The following SGCE variants were observed in gnomAD, a reference collection of about 807,000 sequenced individuals.
The protein encoded by SGCE is sarcoglycan epsilon, also known as epsilon-sarcoglycan.
Under a neutral mutation model 57.8 loss-of-function variants are expected in SGCE, and 26 were observed. The observed-to-expected ratio is 0.45, with a 90% CI of 0.33 to 0.62. SGCE has a LOEUF of 0.62. Ranked by LOEUF, SGCE falls within the 20% of genes least tolerant of loss-of-function variation. SGCE has a pLI of 0.02. For synonymous variants in SGCE, 183 were observed against 189.5 expected, an observed-to-expected ratio of 0.97 and a Z score of 0.28; for missense variants, 468 against 548.6, an observed-to-expected ratio of 0.85 and a Z score of 1.47.
chr7:94,650,510 A>T (rs1351738876), intron 1 of SGCE, among the ~76,000 whole-genome samples: 1 of 152,178 alleles, frequency 6.6e-6, no homozygotes, highest in Non-Finnish European at 1.5e-5. Flanking sequence ...GAGAGATAGG[A>T]GGGTGTGTGT....
At chr7:94,622,660 A>G (rs1802993955) in intron 4 of SGCE, 1 of 151,994 alleles carries the variant, frequency 6.6e-6, no homozygotes. Flanking sequence ...TTAACTACAA[A>G]GTATTTGGTG....
intron 5 of SGCE, among the ~76,000 whole-genome samples, chr7:94,613,780 G>C: frequency 6.6e-6 from 1 of 152,080 alleles, no homozygotes; most frequent in Non-Finnish European, 1.5e-5. Context: ...GAAGATAAAA[G>C]ACAGTTTAGA....
At chr7:94,615,099 G>T (rs189695988) in intron 5 of SGCE, among the ~76,000 whole-genome samples, 1 of 152,308 alleles carries the variant, frequency 6.6e-6, no homozygotes, top group African/African-American at 2.4e-5. Flanking sequence ...AGTAGCTCAC[G>T]CCTGTAAGCC....
At position 94,585,519 on chromosome 7, in the gene SGCE, C is replaced by T. The variant is rs1468351064; in HGVS notation, c.1298-4G>A. ...TTTCTTCAGGGATACCATTTACCTG[C>T]AATGTGTAAGAATGAATATGGGCAG... On this transcript the variant is annotated splice_polypyrimidine_tract_variant and splice_region_variant and intron_variant, in intron 10 of 10. Coordinates refer to ENST00000648936, the MANE Select transcript of SGCE (RefSeq NM_003919.3). 1.9e-6 allele frequency: 3 copies of T among 1,602,130 alleles called. No individual in the cohort carries two copies. The highest frequency in any genetic ancestry group is 2.6e-6 in the Non-Finnish European group (3 of 1,169,410).
At chr7:94,592,494 C>T (rs1045071247) in intron 9 of SGCE, among the ~76,000 whole-genome samples, 1 of 152,104 alleles carries the variant, frequency 6.6e-6, no homozygotes, top group African/African-American at 2.4e-5. Context: ...GTGTAAACTG[C>T]ATTATGTAGA....
intron 1 of SGCE, among the ~76,000 whole-genome samples, chr7:94,637,858 G>A (rs1188639971): frequency 6.6e-6 from 1 of 152,184 alleles, no homozygotes; most frequent in East Asian, 1.9e-4. Context: ...CCTCGGTGAG[G>A]CACAAGGAAC....
At chr7:94,586,083 A>AG (rs1455486419) in intron 10 of SGCE, among the ~76,000 whole-genome samples, 1 of 150,796 alleles carries the variant, frequency 6.6e-6, no homozygotes, top group East Asian at 1.9e-4. Flanking sequence ...AAAAAAAAAA[A>AG]AAAACAACAA....
intron 1 of SGCE, among the ~76,000 whole-genome samples, chr7:94,645,277 A>G (rs2117067912): frequency 6.6e-6 from 1 of 152,266 alleles, no homozygotes; most frequent in Non-Finnish European, 1.5e-5. Context: ...ATTTTTATTT[A>G]TATATATTTT....
At chr7:94,643,375 A>G (rs538870558) in intron 1 of SGCE, among the ~76,000 whole-genome samples, 165 of 152,332 alleles carry the variant, frequency 1.1e-3, no homozygotes, top group Non-Finnish European at 1.9e-3. Context: ...AGCAAATTGA[A>G]TTGGTGTCTC....
At chr7:94,630,011 G>T in intron 1 of SGCE, 170 bp from the exon 2 acceptor site, 1 of 700,332 alleles carries the variant, frequency 1.4e-6, no homozygotes. Flanking sequence ...AAATGGAAGT[G>T]ATTTCAGGAC....
intron 1 of SGCE, among the ~76,000 whole-genome samples, chr7:94,644,210 T>C (rs1382845244): frequency 6.6e-6 from 1 of 152,256 alleles, no homozygotes; most frequent in Non-Finnish European, 1.5e-5. Flanking sequence ...ATCTTTTCAA[T>C]GTTCCCCCTT....
intron 9 of SGCE, chr7:94,597,230 T>A (rs903047578): frequency 4.6e-5 from 7 of 152,134 alleles, no homozygotes; most frequent in African/African-American, 1.7e-4. Flanking sequence ...ACCCATTTCT[T>A]AAATTACCCA....
intron 1 of SGCE, among the ~76,000 whole-genome samples, chr7:94,653,305 A>T (rs1428987221): frequency 6.6e-6 from 1 of 152,144 alleles, no homozygotes; most frequent in Non-Finnish European, 1.5e-5. Flanking sequence ...ATAGGTGTTA[A>T]ATCAACAGCT....
chr7:94,586,949 G>T, intron 10 of SGCE: 1 of 974,768 alleles, frequency 1.0e-6, no homozygotes, highest in South Asian at 4.7e-5. Context: ...ACAACCAAGA[G>T]GAGATACTGT....
chr7:94,636,853 C>G (rs1005765625), intron 1 of SGCE, among the ~76,000 whole-genome samples: 7 of 152,122 alleles, frequency 4.6e-5, no homozygotes, highest in African/African-American at 1.7e-4. Flanking sequence ...CACCTGAGGT[C>G]AGGAGTTCAA....
chr7:94,651,734 A>C (rs776592841), intron 1 of SGCE, among the ~76,000 whole-genome samples: 2 of 152,206 alleles, frequency 1.3e-5, no homozygotes, highest in Non-Finnish European at 2.9e-5. Flanking sequence ...TTTTTTACTT[A>C]ATACTGTCTT....
chr7:94,639,783 G>A (rs1381767294), intron 1 of SGCE, among the ~76,000 whole-genome samples: 1 of 152,118 alleles, frequency 6.6e-6, no homozygotes, highest in Non-Finnish European at 1.5e-5. Context: ...AAGCATACGT[G>A]CTATAAGAAC....
chr7:94,597,510 T>C (rs1032131470), intron 9 of SGCE: 1 of 152,102 alleles, frequency 6.6e-6, no homozygotes. Context: ...ATGTGTTCAC[T>C]TTAATATTAT....
chr7:94,624,070 G>A, intron 3 of SGCE: 1 of 392,746 alleles, frequency 2.5e-6, no homozygotes, highest in Non-Finnish European at 4.5e-6. Context: ...AACACACAAA[G>A]CAAAGGCCAA....
Sources: gnomAD v4.1 joint callset for allele counts (sites outside exome capture counted in the v4.1 genomes callset) on GRCh38, gnomAD v4.1.1 for gene constraint, MANE v1.5 for transcripts, NCBI Gene and HGNC (gene_info 2026-07-23, HGNC 2026-07-21) for gene names.